SORBS2: variants seen among roughly 807,000 people sequenced by gnomAD.
The protein encoded by SORBS2 is sorbin and SH3 domain-containing protein 2.
SORBS2 carries 46 observed loss-of-function variants against 97.7 expected under a neutral mutation model. That is an observed-to-expected ratio of 0.47 (90% CI 0.37 to 0.60). SORBS2 has a LOEUF of 0.60. SORBS2 is among the 20% of genes least tolerant of loss of function. The pLI is 0.00. For missense variants in SORBS2, 1,316 were observed against 1,282.3 expected, an observed-to-expected ratio of 1.03 and a Z score of -0.40; for synonymous variants, 476 against 473.4, an observed-to-expected ratio of 1.01 and a Z score of -0.07.
chr4:185,779,034 C>T (rs1197037031), intron 1 of SORBS2, among the ~76,000 whole-genome samples: 1 of 152,214 alleles, frequency 6.6e-6, no homozygotes, highest in Admixed American at 6.5e-5. Context: ...TTTCACAGAG[C>T]TTGGTAAAAA....
intron 4 of SORBS2, chr4:185,645,606 T>C (rs2097194901): frequency 6.6e-6 from 1 of 152,130 alleles, no homozygotes; most frequent in Non-Finnish European, 1.5e-5. Flanking sequence ...AAGGCTAGAG[T>C]TTCCAATTAA....
At chr4:185,799,623 GTTTAC>G in intron 1 of SORBS2, among the ~76,000 whole-genome samples, 1 of 152,192 alleles carries the variant, frequency 6.6e-6, no homozygotes, top group Admixed American at 6.5e-5. Flanking sequence ...AGACTCCAGA[GTTTAC>G]TTAGAGATGA....
chr4:185,597,549 T>C (rs1310963112), intron 12 of SORBS2, among the ~76,000 whole-genome samples: 1 of 152,146 alleles, frequency 6.6e-6, no homozygotes, highest in Non-Finnish European at 1.5e-5. Flanking sequence ...AACAAAATGG[T>C]AATTTCGATG....
At chr4:185,945,887 C>T (rs2099274279) in intron 1 of SORBS2, among the ~76,000 whole-genome samples, 1 of 152,078 alleles carries the variant, frequency 6.6e-6, no homozygotes, top group Admixed American at 6.6e-5. Context: ...GAAGAAGCAG[C>T]AGCAGTCAGA....
At chr4:185,729,837 A>G (rs886463536) in intron 2 of SORBS2, among the ~76,000 whole-genome samples, 9 of 152,246 alleles carry the variant, frequency 5.9e-5, no homozygotes, top group Non-Finnish European at 1.0e-4. Flanking sequence ...CACGCAGTGT[A>G]GAAGAACTTT....
At chr4:185,708,757 A>G (rs953810074) in intron 2 of SORBS2, among the ~76,000 whole-genome samples, 1 of 152,190 alleles carries the variant, frequency 6.6e-6, no homozygotes, top group Admixed American at 6.5e-5. Context: ...GATAACCTTC[A>G]AATCATTAAG....
intron 1 of SORBS2, among the ~76,000 whole-genome samples, chr4:185,795,327 A>G (rs1375868803): frequency 6.6e-6 from 1 of 152,154 alleles, no homozygotes; most frequent in Non-Finnish European, 1.5e-5. Context: ...CAGCTTCGGC[A>G]ATTCCTTCCT....
At chr4:185,772,097 TTA>T (rs1469448207) in intron 2 of SORBS2, 1 of 152,150 alleles carries the variant, frequency 6.6e-6, no homozygotes, top group Non-Finnish European at 1.5e-5. Flanking sequence ...CTGGGCTTGA[TTA>T]TTTTTGTTTT....
chr4:185,784,136 T>A (rs1419307641), intron 1 of SORBS2, among the ~76,000 whole-genome samples: 1 of 152,012 alleles, frequency 6.6e-6, no homozygotes, highest in East Asian at 1.9e-4. Flanking sequence ...TCCTTGTCCT[T>A]TTCTTTCTTT....
At chr4:185,642,173 T>G (rs2097137390) in intron 4 of SORBS2, among the ~76,000 whole-genome samples, 1 of 152,222 alleles carries the variant, frequency 6.6e-6, no homozygotes, top group African/African-American at 2.4e-5. Flanking sequence ...CAGATGAAAC[T>G]CCTTAAATTT....
At chr4:185,620,121 G>A (rs1397732180) in exon 8 of SORBS2, 2 of 1,611,900 alleles carry the variant, frequency 1.2e-6, no homozygotes, top group Non-Finnish European at 1.7e-6. Context: ...GTCAGTCAAA[G>A]TGGATGAGTA....
intron 2 of SORBS2, among the ~76,000 whole-genome samples, chr4:185,751,190 A>AAAAAAAAAAAAAAAAAAAAAGAGAG: frequency 1.2e-5 from 1 of 86,426 alleles, no homozygotes; most frequent in South Asian, 4.7e-4. Flanking sequence ...AAAAAAAAAA[A>AAAAAAAAAAAAAAAAAAAAAGAGAG]AGAGAAAGAG....
intron 1 of SORBS2, among the ~76,000 whole-genome samples, chr4:185,881,306 A>T (rs1299035502): frequency 6.6e-6 from 1 of 152,182 alleles, no homozygotes; most frequent in Non-Finnish European, 1.5e-5. Flanking sequence ...ACAATGATCC[A>T]AATAAATAAT....
intron 4 of SORBS2, chr4:185,666,169 A>G: frequency 7.8e-7 from 1 of 1,289,796 alleles, no homozygotes; most frequent in Non-Finnish European, 1.0e-6. Context: ...TGAAGCATTT[A>G]CCTCCAACAC....
chr4:185,835,448 A>G (rs1453619286), intron 1 of SORBS2, among the ~76,000 whole-genome samples: 2 of 152,240 alleles, frequency 1.3e-5, no homozygotes, highest in Non-Finnish European at 2.9e-5. Flanking sequence ...AAACCATATT[A>G]TCTCACATTC....
At chr4:185,603,249 A>G (rs2096311368) in intron 12 of SORBS2, among the ~76,000 whole-genome samples, 1 of 143,236 alleles carries the variant, frequency 7.0e-6, no homozygotes, top group Admixed American at 6.8e-5. Context: ...AGAACAAGTT[A>G]AAAAAAAAGA....
At chr4:185,599,388 A>G (rs1395802584) in intron 12 of SORBS2, among the ~76,000 whole-genome samples, 4 of 152,234 alleles carry the variant, frequency 2.6e-5, no homozygotes, top group Non-Finnish European at 4.4e-5. Flanking sequence ...ATACTATGGA[A>G]CGAAGTAGCT....
intron 1 of SORBS2, among the ~76,000 whole-genome samples, chr4:185,818,761 G>T (rs931391499): frequency 1.3e-5 from 2 of 151,804 alleles, no homozygotes; most frequent in Non-Finnish European, 1.5e-5. Flanking sequence ...AGGAGGCGGA[G>T]GTTGCAGTGA....
intron 1 of SORBS2, among the ~76,000 whole-genome samples, chr4:185,941,618 CCT>C (rs1303595189): frequency 2.6e-5 from 4 of 152,068 alleles, no homozygotes; most frequent in South Asian, 2.1e-4. Flanking sequence ...TCTTGCTTTC[CCT>C]CTGATTCAGC....
Sources: gnomAD v4.1 joint callset for allele counts (sites outside exome capture counted in the v4.1 genomes callset) on GRCh38, gnomAD v4.1.1 for gene constraint, MANE v1.5 for transcripts, NCBI Gene and HGNC (gene_info 2026-07-23, HGNC 2026-07-21) for gene names.